The following TMCO5A variants were observed in gnomAD, a reference collection of about 807,000 sequenced individuals.
TMCO5A encodes the protein transmembrane and coiled-coil domain-containing protein 5A.
A neutral mutation model predicts 42.3 loss-of-function variants in TMCO5A; 34 were observed. The ratio of observed to expected loss-of-function variants is 0.80; its 90% CI spans 0.61 to 1.07. The LOEUF is 1.07. Among genes scored for constraint, TMCO5A ranks in the 50% least tolerant of loss-of-function variants. The pLI is 0.00. For synonymous variants in TMCO5A, 131 were observed against 115.6 expected, an observed-to-expected ratio of 1.13 and a Z score of -0.86; for missense variants, 357 against 327.9, an observed-to-expected ratio of 1.09 and a Z score of -0.69.
chr15:37,959,777 A>G (rs1890376063), intron 11 of TMCO5A, among the ~76,000 whole-genome samples: 1 of 152,042 alleles, frequency 6.6e-6, no homozygotes, highest in South Asian at 2.1e-4. Flanking sequence ...TATCTGGAAC[A>G]TGTCCACTTT....
At chr15:37,948,095 T>C (rs58702904) in intron 11 of TMCO5A, among the ~76,000 whole-genome samples, 2,495 of 152,184 alleles carry the variant, frequency 0.016, 78 homozygotes, top group African/African-American at 0.057. Context: ...TATACCACTG[T>C]CTAATAAGAG....
the TMCO5A span, among the ~76,000 whole-genome samples, chr15:37,995,852 AAAAC>A: frequency 4.9e-4 from 74 of 152,134 alleles, no homozygotes; most frequent in Middle Eastern, 3.4e-3. Flanking sequence ...CTCCAAAAAA[AAAAC>A]AAACAAACAA....
chr15:38,039,766 T>C, the TMCO5A span, among the ~76,000 whole-genome samples: 805 of 84,306 alleles, frequency 9.5e-3, 5 homozygotes, highest in African/African-American at 0.022. Flanking sequence ...TTCTCGACTG[T>C]TCTTAATGTT....
downstream of TMCO5A, among the ~76,000 whole-genome samples, chr15:37,952,657 T>A (rs1198516749): frequency 6.6e-6 from 1 of 152,196 alleles, no homozygotes; most frequent in East Asian, 1.9e-4. Flanking sequence ...ATTGTGGCTA[T>A]GGGTCAAGAT....
the TMCO5A span, among the ~76,000 whole-genome samples, chr15:37,989,668 A>C: frequency 1.3e-5 from 2 of 152,032 alleles, no homozygotes; most frequent in East Asian, 3.8e-4. Context: ...CTCTTAATAC[A>C]TTTGTGCTGC....
the TMCO5A span, among the ~76,000 whole-genome samples, chr15:38,009,624 T>C: frequency 6.6e-6 from 1 of 152,188 alleles, no homozygotes; most frequent in Non-Finnish European, 1.5e-5. Context: ...TATGCCCTTT[T>C]CTAATTAGTT....
chr15:38,032,965 T>C, the TMCO5A span, among the ~76,000 whole-genome samples: 1 of 147,792 alleles, frequency 6.8e-6, no homozygotes, highest in Non-Finnish European at 1.5e-5. Context: ...TCTCGCCTTG[T>C]CGCCCAGGCT....
chr15:37,956,265 T>C (rs1379794807), downstream of TMCO5A, among the ~76,000 whole-genome samples: 1 of 151,588 alleles, frequency 6.6e-6, no homozygotes. Flanking sequence ...CTGAAGGAGA[T>C]AGAGACACAA....
the TMCO5A span, among the ~76,000 whole-genome samples, chr15:38,038,530 C>G: frequency 6.6e-6 from 1 of 151,888 alleles, no homozygotes; most frequent in African/African-American, 2.4e-5. Flanking sequence ...CTCAGCCTCC[C>G]GAGTAGCTGG....
intron 2 of TMCO5A, among the ~76,000 whole-genome samples, chr15:37,935,595 C>T (rs944759821): frequency 2.0e-5 from 3 of 152,056 alleles, no homozygotes; most frequent in Non-Finnish European, 2.9e-5. Context: ...AAACACAAAC[C>T]AATGAATTAA....
At chr15:37,970,531 A>G (rs952527064), downstream of TMCO5A, among the ~76,000 whole-genome samples, 9 of 152,148 alleles carry the variant, frequency 5.9e-5, no homozygotes, top group African/African-American at 1.9e-4. Context: ...AAAACCAATC[A>G]TGCCTTTCCT....
the TMCO5A span, among the ~76,000 whole-genome samples, chr15:38,008,087 G>C: frequency 6.6e-6 from 1 of 151,406 alleles, no homozygotes; most frequent in Non-Finnish European, 1.5e-5. Context: ...AGTAGAGATG[G>C]GGTTTCACCA....
At chr15:38,038,435 C>T in the TMCO5A span, among the ~76,000 whole-genome samples, 959 of 148,520 alleles carry the variant, frequency 6.5e-3, 9 homozygotes, top group Admixed American at 0.01. Context: ...GACGGAGTCT[C>T]GCTTTGTCGC....
the TMCO5A span, among the ~76,000 whole-genome samples, chr15:37,988,442 C>A: frequency 6.6e-6 from 1 of 151,926 alleles, no homozygotes; most frequent in Admixed American, 6.6e-5. Flanking sequence ...AGAGGAAAAG[C>A]TTTTAGTCTT....
At chr15:37,964,707 G>A (rs1890516003) in intron 11 of TMCO5A, among the ~76,000 whole-genome samples, 1 of 151,918 alleles carries the variant, frequency 6.6e-6, no homozygotes, top group African/African-American at 2.4e-5. Flanking sequence ...ATTAACCAAA[G>A]AAGTGAAAGA....
the TMCO5A span, among the ~76,000 whole-genome samples, chr15:37,985,728 A>G: frequency 6.6e-6 from 1 of 152,148 alleles, no homozygotes; most frequent in Non-Finnish European, 1.5e-5. Context: ...ATGCAAGTAG[A>G]TGGACGTTTT....
chr15:37,992,208 T>A, the TMCO5A span, among the ~76,000 whole-genome samples: 8 of 152,150 alleles, frequency 5.3e-5, no homozygotes, highest in East Asian at 1.9e-4. Context: ...ACACTTTTTT[T>A]AAAGAAGACA....
chr15:38,029,468 T>C, the TMCO5A span, among the ~76,000 whole-genome samples: 1 of 152,096 alleles, frequency 6.6e-6, no homozygotes, highest in Admixed American at 6.6e-5. Flanking sequence ...CAGTAGTTTA[T>C]TTTACTTATC....
chr15:37,965,949 A>G (rs1040399935), intron 11 of TMCO5A, among the ~76,000 whole-genome samples: 7 of 152,192 alleles, frequency 4.6e-5, no homozygotes, highest in Admixed American at 2.6e-4. Context: ...AGAGCTATCT[A>G]CACTTTCATG....
Sources: allele counts gnomAD v4.1 joint callset (sites outside exome capture counted in the v4.1 genomes callset), GRCh38; gene constraint gnomAD v4.1.1; transcripts MANE v1.5; gene names NCBI Gene and HGNC (gene_info 2026-07-23, HGNC 2026-07-21).